Variants in TG observed in about 807,000 individuals in gnomAD.
TG encodes thyroid hormones.
Under a neutral mutation model 324.7 loss-of-function variants are expected in TG, and 270 were observed. The observed-to-expected ratio is 0.83, with a 90% CI of 0.75 to 0.92. The LOEUF (loss-of-function observed/expected upper bound fraction) is 0.92, where lower values mean the gene tolerates loss of function less well. TG is among the 40% of genes least tolerant of loss of function. TG has a pLI of 0.00. For synonymous variants in TG, 1,401 were observed against 1,327.0 expected (o/e 1.06, Z -1.21); for missense variants, 3,591 against 3,456.4 (o/e 1.04, Z -0.98).
At chr8:132,900,108 C>T (rs1817701649) in intron 14 of TG, 129 bp from the exon 15 acceptor site, 3 of 757,664 alleles carry the variant, frequency 4.0e-6, no homozygotes, top group Admixed American at 2.0e-5. Flanking sequence ...TCCCCACCTC[C>T]ACATCTCTCC....
intron 8 of TG, among the ~76,000 whole-genome samples, chr8:132,884,104 A>G (rs1815054410): frequency 1.3e-5 from 2 of 152,174 alleles, no homozygotes; most frequent in African/African-American, 4.8e-5. Flanking sequence ...TCTTACAAGG[A>G]GACCAGTCAT....
chr8:132,928,732 A>T (rs1257208708), intron 22 of TG, among the ~76,000 whole-genome samples: 1 of 152,262 alleles, frequency 6.6e-6, no homozygotes, highest in Non-Finnish European at 1.5e-5. Flanking sequence ...CCAGTAAAAT[A>T]GTTATATGAT....
intron 25 of TG, among the ~76,000 whole-genome samples, chr8:132,940,490 A>C (rs1464402719): frequency 2.0e-5 from 3 of 152,238 alleles, no homozygotes. Flanking sequence ...CAATGGAAAA[A>C]AACATTAACA....
At chr8:133,086,054 C>G (rs888591738) in intron 41 of TG, among the ~76,000 whole-genome samples, 1 of 152,202 alleles carries the variant, frequency 6.6e-6, no homozygotes, top group African/African-American at 2.4e-5. Context: ...AAGATATACA[C>G]TACTAATACC....
intron 43 of TG, among the ~76,000 whole-genome samples, chr8:133,099,041 T>C (rs1199902333): frequency 3.3e-5 from 5 of 152,196 alleles, no homozygotes; most frequent in Non-Finnish European, 7.4e-5. Flanking sequence ...CTAAGGTTTT[T>C]AAGGAAAGCT....
At chr8:133,068,733 G>T (rs778015960) in intron 41 of TG, among the ~76,000 whole-genome samples, 1 of 152,232 alleles carries the variant, frequency 6.6e-6, no homozygotes, top group South Asian at 2.1e-4. Context: ...ATACGGAGGC[G>T]GGCAGCAGAA....
At chr8:132,909,511 C>T (rs1819204179) in intron 18 of TG, among the ~76,000 whole-genome samples, 1 of 152,148 alleles carries the variant, frequency 6.6e-6, no homozygotes, top group Admixed American at 6.5e-5. Flanking sequence ...GGACCTAGTC[C>T]TAATGACTTC....
intron 41 of TG, among the ~76,000 whole-genome samples, chr8:133,040,806 GAA>G (rs1587841683): frequency 1.3e-5 from 2 of 151,724 alleles, no homozygotes; most frequent in East Asian, 3.9e-4. Flanking sequence ...GGAGGGAAGA[GAA>G]AACAAAGATA....
intron 45 of TG, among the ~76,000 whole-genome samples, chr8:133,125,975 G>A (rs1851486561): frequency 6.6e-6 from 1 of 152,154 alleles, no homozygotes; most frequent in African/African-American, 2.4e-5. Flanking sequence ...TGAAACATCA[G>A]TTATCTTTTT....
Position 133,116,678 on chromosome 8 carries a change from C to T in TG, c.7824C>T (p.Val2608=). ...SAWAKRARGN[V]FMYHAPENYG... ...GGGCAAAGAGGGCCCGAGGAAACGT[C>T]TTCATGTACCATGCTCCTGAAAACT... Residue 2608 remains valine, a synonymous_variant, in exon 45 of 48, where the codon GTC becomes GTT. Coordinates refer to ENST00000220616, the MANE Select transcript of TG (RefSeq NM_003235.5). The T allele has an allele frequency of 6.2e-7, 1 of 1,614,242 alleles. No individual in the cohort carries two copies. Among genetic ancestry groups the T allele is most frequent in the East Asian group, 2.2e-5 (1 of 44,886 alleles).
chr8:132,998,567 T>A (rs1388894935), intron 35 of TG, among the ~76,000 whole-genome samples: 1 of 152,082 alleles, frequency 6.6e-6, no homozygotes, highest in Admixed American at 6.5e-5. Flanking sequence ...GAAGCTGAGA[T>A]AATGGACCAA....
At chr8:132,959,178 AG>A (rs1361780269) in intron 27 of TG, among the ~76,000 whole-genome samples, 3 of 152,206 alleles carry the variant, frequency 2.0e-5, no homozygotes, top group African/African-American at 7.2e-5. Flanking sequence ...AGAACATGGT[AG>A]CCCCGGGGAG....
chr8:133,024,330 CTT>C (rs1835837344), intron 40 of TG, among the ~76,000 whole-genome samples: 1 of 102,358 alleles, frequency 9.8e-6, no homozygotes. Flanking sequence ...TTCTTTCTTT[CTT>C]TCTTTCTTTC....
At chr8:132,917,358 A>G (rs1033250312) in intron 20 of TG, among the ~76,000 whole-genome samples, 1 of 151,106 alleles carries the variant, frequency 6.6e-6, no homozygotes, top group African/African-American at 2.4e-5. Context: ...ACAAGAGCAG[A>G]CAGAAGGTAG....
chr8:132,946,797 G>C (rs141409935), intron 26 of TG, among the ~76,000 whole-genome samples: 1 of 152,116 alleles, frequency 6.6e-6, no homozygotes, highest in African/African-American at 2.4e-5. Context: ...AGCTAAGCTG[G>C]CAATGTATGA....
At chr8:132,874,914 G>C (rs1208273408) in intron 5 of TG, among the ~76,000 whole-genome samples, 2 of 152,130 alleles carry the variant, frequency 1.3e-5, no homozygotes, top group Non-Finnish European at 2.9e-5. Flanking sequence ...GGGTCCCTCT[G>C]TGCTCTGTTG....
At chr8:133,091,529 G>A (rs527545601) in intron 41 of TG, among the ~76,000 whole-genome samples, 2 of 152,266 alleles carry the variant, frequency 1.3e-5, no homozygotes, top group African/African-American at 2.4e-5. Context: ...TTCCTCCCGG[G>A]AAATGCTGCA....
Position 132,901,398 on chromosome 8 carries a change from G to A in TG, c.3479G>A (p.Arg1160Lys). The A allele has an allele frequency of 6.2e-7, 1 of 1,614,250 alleles. No homozygotes were observed. The highest frequency in any genetic ancestry group is 8.5e-7 in the Non-Finnish European group (1 of 1,180,056). ...NVLKSGVLSR[R>K]VSPGYVPACR... ...CTCAAGAGTGGAGTCCTCTCCAGGA[G>A]AGTCAGCCCAGGCTATGTCCCAGCC... is the stretch of plus-strand genomic sequence containing the variant. Residue 1160 changes from arginine to lysine, a missense_variant, in exon 16 of 48, where the codon AGA (arginine) becomes AAA (lysine). Transcript: ENST00000220616.
intron 5 of TG, 39 bp downstream of exon 5, chr8:132,873,260 C>T: frequency 6.2e-7 from 1 of 1,611,910 alleles, no homozygotes; most frequent in East Asian, 2.2e-5. Flanking sequence ...TGGGCCATCA[C>T]CTGACGCAGC....
Sources: allele counts gnomAD v4.1 joint callset (sites outside exome capture counted in the v4.1 genomes callset), GRCh38; gene constraint gnomAD v4.1.1; transcripts MANE v1.5; gene names NCBI Gene and HGNC (gene_info 2026-07-23, HGNC 2026-07-21).